PLCH2: variants seen among roughly 807,000 people sequenced by gnomAD.
The protein encoded by PLCH2 is 1-phosphatidylinositol 4,5-bisphosphate phosphodiesterase eta-2.
PLCH2 carries 98 observed loss-of-function variants against 134.7 expected under a neutral mutation model. That is an observed-to-expected ratio of 0.73 (90% CI 0.62 to 0.86). The LOEUF (loss-of-function observed/expected upper bound fraction) is 0.86. Ranked by LOEUF, PLCH2 falls within the 40% of genes least tolerant of loss-of-function variation. The pLI, the probability that PLCH2 is intolerant of heterozygous loss-of-function variation, is 0.00. For missense variants in PLCH2, 1,994 were observed against 1,986.6 expected (o/e 1.00, Z -0.07); for synonymous variants, 974 against 827.5 (o/e 1.18, Z -3.04).
rs144834217 is a variant in PLCH2, at chr1:2,434,206, C to T, written c.115+3577C>T. ...GGGAGGTGGCTGGGTGTGCCAGGGG[C>T]CGGCGGGGGCCGCGCCTGGGCAGGG... On this transcript the variant is annotated intron_variant, in intron 2 of 3. Coordinates refer to the PLCH2 transcript ENST00000609981. 5.1e-3 allele frequency among the ~76,000 whole-genome samples: 780 copies of T among 152,368 alleles called. 6 individuals are homozygous for T. Among genetic ancestry groups the T allele is most frequent in the Middle Eastern group, 0.031 (9 of 294 alleles).
chr1:2,494,439 G>A (rs1346219518), intron 11 of PLCH2: 4 of 304,540 alleles, frequency 1.3e-5, no homozygotes, highest in Non-Finnish European at 1.9e-5. Flanking sequence ...GGTCAGGGCC[G>A]TGGAATGCTC....
chr1:2,475,617 C>A (rs1029763483), upstream of PLCH2, among the ~76,000 whole-genome samples: 17 of 152,182 alleles, frequency 1.1e-4, no homozygotes, highest in Admixed American at 5.9e-4. Context: ...TGGGCGAGGC[C>A]CCTGTCCAGG....
At chr1:2,441,945 G>A (rs1011402208) in intron 2 of PLCH2, among the ~76,000 whole-genome samples, 1 of 152,162 alleles carries the variant, frequency 6.6e-6, no homozygotes, top group Non-Finnish European at 1.5e-5. Context: ...GGCTGCTAGA[G>A]CCCGCCCAGC....
At chr1:2,475,457 CT>C (rs1641563537), upstream of PLCH2, among the ~76,000 whole-genome samples, 1 of 152,242 alleles carries the variant, frequency 6.6e-6, no homozygotes, top group South Asian at 2.1e-4. Flanking sequence ...ACAGCTGCCC[CT>C]GGTGTCCCGG....
At chr1:2,469,484 T>C (rs1244042796) in intron 1 of PLCH2, among the ~76,000 whole-genome samples, 1 of 152,212 alleles carries the variant, frequency 6.6e-6, no homozygotes, top group Non-Finnish European at 1.5e-5. Flanking sequence ...GCACAGCTAA[T>C]GAGCTGATGA....
chr1:2,491,699 A>G (rs1475984066), intron 11 of PLCH2, among the ~76,000 whole-genome samples: 1 of 152,200 alleles, frequency 6.6e-6, no homozygotes, highest in East Asian at 1.9e-4. Flanking sequence ...GTGGGGTGAG[A>G]GGTGACAGGC....
At chr1:2,456,372 G>A (rs1445922675) in intron 2 of PLCH2, among the ~76,000 whole-genome samples, 2 of 152,214 alleles carry the variant, frequency 1.3e-5, no homozygotes, top group African/African-American at 2.4e-5. Context: ...CTTGGGAGGC[G>A]GGGCGGCCCT....
intron 1 of PLCH2, among the ~76,000 whole-genome samples, chr1:2,467,917 C>CAGGGG: frequency 6.6e-6 from 1 of 152,218 alleles, no homozygotes; most frequent in Non-Finnish European, 1.5e-5. Flanking sequence ...CCCCACCCTG[C>CAGGGG]CTCATCTGCC....
chr1:2,437,623 C>T (rs1639489658), intron 2 of PLCH2, among the ~76,000 whole-genome samples: 1 of 152,226 alleles, frequency 6.6e-6, no homozygotes, highest in Non-Finnish European at 1.5e-5. Context: ...CCTGGCTAAG[C>T]AGGGGCCATA....
At chr1:2,487,858 C>T in intron 8 of PLCH2, 140 bp downstream of exon 8, 1 of 807,880 alleles carries the variant, frequency 1.2e-6, no homozygotes, top group Non-Finnish European at 1.9e-6. Context: ...TTCATTCTGG[C>T]ATCTCTGGTT....
the PLCH2 span, among the ~76,000 whole-genome samples, chr1:2,418,777 C>T: frequency 2.0e-5 from 3 of 152,196 alleles, no homozygotes; most frequent in Admixed American, 6.5e-5. Flanking sequence ...CTGACCTGTG[C>T]GCTTATGACG....
upstream of PLCH2, among the ~76,000 whole-genome samples, chr1:2,473,355 C>T (rs776357807): frequency 1.5e-4 from 23 of 152,314 alleles, no homozygotes; most frequent in African/African-American, 2.4e-4. Flanking sequence ...CAGGGGATCA[C>T]GGGCGCATTC....
upstream of PLCH2, among the ~76,000 whole-genome samples, chr1:2,474,493 G>A (rs1054607127): frequency 1.3e-5 from 2 of 152,120 alleles, no homozygotes; most frequent in South Asian, 2.1e-4. Context: ...TGGGACCCAC[G>A]TTGTGGGGCT....
intron 4 of PLCH2, among the ~76,000 whole-genome samples, chr1:2,482,077 G>C (rs1423154839): frequency 6.6e-6 from 1 of 152,282 alleles, no homozygotes. Flanking sequence ...GGGCACCGAG[G>C]CAGGCTCAGC....
chr1:2,479,286 CA>C (rs906595458), intron 2 of PLCH2: 54 of 170,526 alleles, frequency 3.2e-4, no homozygotes, highest in African/African-American at 1.2e-3. Context: ...GCGGAGCCCC[CA>C]GGGGGACCTG....
Position 2,499,670 on chromosome 1 carries a change from G to T in PLCH2, c.2611G>T (p.Glu871Ter). Residue 871 changes from glutamate (E) to a stop codon, truncating the protein, a stop_gained, in exon 20 of 22, where the codon GAA (glutamate) becomes TAA (stop). Transcript: ENST00000378486. LOFTEE classifies it high-confidence loss of function. ...CAGACACGTGTACCTAGAAGGGATG[G>T]AAGAGGCCTCCATCTTCGTGCATGT... ...GYRHVYLEGM[E>*]EASIFVHVAV... 1.2e-6 allele frequency: 2 copies of T among 1,601,994 alleles called. No homozygotes were observed. The highest frequency in any genetic ancestry group is 1.7e-6 in the Non-Finnish European group (2 of 1,174,826).
At chr1:2,432,901 T>C (rs1639137258) in intron 2 of PLCH2, among the ~76,000 whole-genome samples, 1 of 152,174 alleles carries the variant, frequency 6.6e-6, no homozygotes, top group African/African-American at 2.4e-5. Context: ...GAGGGGTCTG[T>C]GGCAGTGCTC....
In PLCH2 at chr1:2,461,580, C is replaced by T. The variant is rs540674661; in HGVS notation, c.116-16896C>T. Among the ~76,000 whole-genome samples the T allele has an allele frequency of 3.9e-5, 6 of 152,292 alleles. No individual in the cohort carries two copies. The East Asian group carries it at 1.2e-3, about 29-fold the overall frequency. On this transcript the variant is annotated intron_variant, in intron 2 of 3. Coordinates refer to the PLCH2 transcript ENST00000609981. ...TCGCTCCCTGCTGGGTTACCCAGCCCTGGGGCCTCGGCTCCCCTCCAGCCC... is the reference window on the plus strand; with the variant it reads ...TCGCTCCCTGCTGGGTTACCCAGCCTTGGGGCCTCGGCTCCCCTCCAGCCC...
At chr1:2,477,620 G>A (rs1641705090) in intron 1 of PLCH2, among the ~76,000 whole-genome samples, 1 of 152,100 alleles carries the variant, frequency 6.6e-6, no homozygotes, top group Non-Finnish European at 1.5e-5. Flanking sequence ...CTCTGGCCTG[G>A]ACTCCCTGGA....
Sources: allele counts gnomAD v4.1 joint callset (sites outside exome capture counted in the v4.1 genomes callset), GRCh38; gene constraint gnomAD v4.1.1; transcripts MANE v1.5; gene names NCBI Gene and HGNC (gene_info 2026-07-23, HGNC 2026-07-21).